Variants in POU6F2 observed in about 807,000 individuals in gnomAD.
POU6F2 encodes POU class 6 homeobox 2.
A neutral mutation model predicts 71.3 loss-of-function variants in POU6F2; 31 were observed. The observed-to-expected ratio is 0.43, with a 90% CI of 0.33 to 0.59. The LOEUF is 0.59. Among genes scored for constraint, POU6F2 ranks in the 20% least tolerant of loss-of-function variants. The probability of loss-of-function intolerance (pLI) is 0.04; values close to 1 mark genes in which losing one functional copy is unlikely to be tolerated. For missense variants in POU6F2, 783 were observed against 856.8 expected (o/e 0.91, Z 1.07); for synonymous variants, 347 against 355.7 (o/e 0.98, Z 0.27).
chr7:39,055,595 T>G (rs79346669), intron 1 of POU6F2, among the ~76,000 whole-genome samples: 111 of 152,294 alleles, frequency 7.3e-4, no homozygotes, highest in African/African-American at 2.5e-3. Flanking sequence ...ATTTTCTTCC[T>G]TCCAATCATG....
chr7:39,307,505 A>G (rs1195290997), intron 4 of POU6F2, among the ~76,000 whole-genome samples: 1 of 152,214 alleles, frequency 6.6e-6, no homozygotes, highest in Non-Finnish European at 1.5e-5. Flanking sequence ...TGCAATCTCA[A>G]TTTCCATAGA....
At chr7:39,302,561 G>C (rs978280307) in intron 4 of POU6F2, among the ~76,000 whole-genome samples, 3 of 152,238 alleles carry the variant, frequency 2.0e-5, no homozygotes, top group Non-Finnish European at 1.5e-5. Flanking sequence ...CTTGAAGATA[G>C]AGGCTATGTC....
intron 7 of POU6F2, among the ~76,000 whole-genome samples, chr7:39,440,945 C>T (rs1788388591): frequency 6.6e-6 from 1 of 152,090 alleles, no homozygotes; most frequent in Non-Finnish European, 1.5e-5. Context: ...GGTCAAGTCC[C>T]TCTTCTGTAG....
chr7:39,110,799 T>C (rs1791791747), intron 2 of POU6F2, among the ~76,000 whole-genome samples: 1 of 152,210 alleles, frequency 6.6e-6, no homozygotes, highest in African/African-American at 2.4e-5. Flanking sequence ...ACTTTTATCT[T>C]GTTGACATAA....
intron 6 of POU6F2, among the ~76,000 whole-genome samples, chr7:39,414,598 C>T (rs1372149551): frequency 6.6e-6 from 1 of 152,210 alleles, no homozygotes; most frequent in Non-Finnish European, 1.5e-5. Context: ...GCGGGGCGGC[C>T]CAGCTGCGGA....
intron 7 of POU6F2, among the ~76,000 whole-genome samples, chr7:39,448,379 A>G (rs995534609): frequency 1.3e-5 from 2 of 152,238 alleles, no homozygotes; most frequent in African/African-American, 4.8e-5. Context: ...CTTGACAAGT[A>G]AGAAATTTGA....
At chr7:39,065,911 T>TA (rs936115706) in intron 1 of POU6F2, among the ~76,000 whole-genome samples, 1 of 151,620 alleles carries the variant, frequency 6.6e-6, no homozygotes, top group Non-Finnish European at 1.5e-5. Flanking sequence ...ATTCCAGAGA[T>TA]AAAAAAATAT....
Position 39,264,085 on chromosome 7 carries a change from C to T in POU6F2, c.598+56465C>T, listed in dbSNP as rs1224204774. On this transcript the variant is annotated intron_variant, in intron 4 of 9. Transcript: ENST00000518318. The stretch of plus-strand genomic sequence containing the variant: ...GCCCCTAAGACATCAAAATGGAAGT[C>T]CAGGCCTCTCAGCATGGTGGTGAGG... Among the ~76,000 whole-genome samples, 3 of 152,204 alleles carry T rather than the reference C, an allele frequency of 2.0e-5. No homozygotes were observed. In the East Asian group the frequency reaches 5.8e-4, roughly 29 times the overall value.
At chr7:39,343,410 TAAA>T (rs58511899) in intron 5 of POU6F2, among the ~76,000 whole-genome samples, 7 of 133,208 alleles carry the variant, frequency 5.3e-5, no homozygotes, top group African/African-American at 8.5e-5. Context: ...ATGATCTAGG[TAAA>T]AAAAAAAAAA....
chr7:39,412,805 T>TTTTTTTTTTTTTTTTTTTTTTTG (rs1787579952), intron 6 of POU6F2, among the ~76,000 whole-genome samples: 1 of 103,178 alleles, frequency 9.7e-6, no homozygotes, highest in Non-Finnish European at 2.0e-5. Flanking sequence ...TTTTTTTTTT[T>TTTTTTTTTTTTTTTTTTTTTTTG]TTTTTTTTTT....
Position 39,053,418 on chromosome 7 carries a change from C to T in POU6F2, c.106-32442C>T, listed in dbSNP as rs556779646. 3.0e-3 allele frequency among the ~76,000 whole-genome samples: 453 copies of T among 152,116 alleles called. 4 individuals carry two copies. Among genetic ancestry groups the T allele is most frequent in the African/African-American group, 0.01 (435 of 41,508 alleles). On this transcript the variant is annotated intron_variant, in intron 1 of 9. Transcript: ENST00000518318. The stretch of plus-strand genomic sequence containing the variant: ...CTCCTTTCTTCTCTGTCTCTCTTTC[C>T]TTTTTGTTATCTTCTCCCTACTTTT...
intron 2 of POU6F2, among the ~76,000 whole-genome samples, chr7:39,146,860 C>T (rs1297568207): frequency 6.6e-6 from 1 of 152,154 alleles, no homozygotes; most frequent in African/African-American, 2.4e-5. Context: ...TTCCACCAGG[C>T]TGCTTTCTAT....
intron 4 of POU6F2, among the ~76,000 whole-genome samples, chr7:39,320,750 G>C (rs1352882386): frequency 1.3e-5 from 2 of 152,122 alleles, no homozygotes; most frequent in African/African-American, 4.8e-5. Flanking sequence ...CATAGTAAGG[G>C]GTTAACGACA....
intron 2 of POU6F2, among the ~76,000 whole-genome samples, chr7:39,161,760 G>A (rs1737903476): frequency 6.6e-6 from 1 of 152,164 alleles, no homozygotes; most frequent in African/African-American, 2.4e-5. Context: ...TCCGGAGACA[G>A]AATAATGAAG....
At chr7:38,989,817 G>T (rs1788557331) in intron 1 of POU6F2, among the ~76,000 whole-genome samples, 1 of 139,780 alleles carries the variant, frequency 7.2e-6, no homozygotes, top group Admixed American at 7.7e-5. Context: ...GTGTGTGTGT[G>T]TGTGTGTGTT....
At chr7:39,168,050 T>G (rs1793146619) in intron 2 of POU6F2, among the ~76,000 whole-genome samples, 1 of 152,170 alleles carries the variant, frequency 6.6e-6, no homozygotes, top group Non-Finnish European at 1.5e-5. Context: ...GTCTGGCATA[T>G]CTAAGAATTT....
chr7:39,269,094 G>C (rs1002982309), intron 4 of POU6F2, among the ~76,000 whole-genome samples: 110 of 152,218 alleles, frequency 7.2e-4, no homozygotes, highest in African/African-American at 2.5e-3. Flanking sequence ...ATAGTTGAGG[G>C]GTTATATTGA....
chr7:39,260,555 A>ACACATACCACG (rs1784115954), intron 4 of POU6F2, among the ~76,000 whole-genome samples: 1 of 149,564 alleles, frequency 6.7e-6, no homozygotes, highest in Non-Finnish European at 1.5e-5. Flanking sequence ...CACACACCAC[A>ACACATACCACG]TTCCACACAC....
Position 39,190,836 on chromosome 7 carries a change from C to T in POU6F2, c.278-13399C>T, listed in dbSNP as rs555268542. Among the ~76,000 whole-genome samples the T allele has an allele frequency of 4.6e-5, 7 of 151,940 alleles. No homozygotes were observed. In the East Asian group the frequency reaches 1.2e-3, roughly 25 times the overall value. ...TATTTTTAGCAGAGACGAGGTTTCACCATGTTGGTCAGGCTGGTCTCGAAC... is the reference window on the plus strand; with the variant it reads ...TATTTTTAGCAGAGACGAGGTTTCATCATGTTGGTCAGGCTGGTCTCGAAC... On this transcript the variant is annotated intron_variant, in intron 2 of 9. Coordinates refer to ENST00000518318, the MANE Select transcript of POU6F2 (RefSeq NM_001370959.1).
Sources: gnomAD v4.1 joint callset for allele counts (sites outside exome capture counted in the v4.1 genomes callset) on GRCh38, gnomAD v4.1.1 for gene constraint, MANE v1.5 for transcripts, NCBI Gene and HGNC (gene_info 2026-07-23, HGNC 2026-07-21) for gene names.